Variants in KMT2D observed in about 807,000 individuals in gnomAD.
KMT2D encodes lysine methyltransferase 2D, also known as histone-lysine N-methyltransferase 2D.
KMT2D carries 55 observed loss-of-function variants against 512.7 expected under a neutral mutation model. The ratio of observed to expected loss-of-function variants is 0.11; its 90% CI spans 0.09 to 0.13. The LOEUF (loss-of-function observed/expected upper bound fraction) is 0.13, where lower values mean the gene tolerates loss of function less well. KMT2D is among the 10% of genes least tolerant of loss of function. KMT2D has a pLI of 1.00. For missense variants in KMT2D, 6,061 were observed against 7,127.9 expected (o/e 0.85, Z 5.39); for synonymous variants, 2,995 against 2,904.0 (o/e 1.03, Z -1.01).
intron 9 of KMT2D, 66 bp downstream of exon 9, chr12:49,052,849 A>T: frequency 6.2e-7 from 1 of 1,602,538 alleles, no homozygotes; most frequent in Non-Finnish European, 8.5e-7. Context: ...TCAATTTAAC[A>T]AGGCCCCTGC....
rs199719315 is a variant in KMT2D at position 49,049,661 on chromosome 12, C to T, written c.3906+21G>A. On this transcript the variant is annotated intron_variant, in intron 12 of 54. Coordinates refer to ENST00000301067, the MANE Select transcript of KMT2D (RefSeq NM_003482.4). Reference sequence around the variant, plus strand: ...CAGTGGGCTAACTCTAATCACATCCCGCAGCTAGATAGCCCCTCACCTGTT... The same window carrying T: ...CAGTGGGCTAACTCTAATCACATCCTGCAGCTAGATAGCCCCTCACCTGTT... The T allele has an allele frequency of 7.4e-5, 115 of 1,549,084 alleles. No individual in the cohort carries two copies. The East Asian group carries it at 1.8e-3, about 25-fold the overall frequency.
Position 49,041,181 on chromosome 12 carries a change from G to A in KMT2D, c.6589C>T (p.Pro2197Ser), listed in dbSNP as rs1026412241. 1 of 1,518,118 alleles carries A rather than the reference G, an allele frequency of 6.6e-7. No homozygotes were observed. Among genetic ancestry groups the A allele is most frequent in the Non-Finnish European group, 8.8e-7 (1 of 1,135,916 alleles). The allele number at this position is 1,518,118 out of a possible 1,614,324, so 94.0% of individuals were successfully genotyped here. A position where few individuals can be genotyped will look rare whatever the true frequency, so the allele number is the denominator to read the frequency against. ...GCCCCCGTAGGACTAGGATAGGGGGGATAGGTGGGCGGTGCCGTGGGGAAG... is the reference window on the plus strand; with the variant it reads ...GCCCCCGTAGGACTAGGATAGGGGGAATAGGTGGGCGGTGCCGTGGGGAAG... ...PRFPTAPPTY[P>S]PYPSPTGAPA... Residue 2197 changes from proline to serine, a missense_variant, in exon 32 of 55, where the codon CCC (proline) becomes TCC (serine). Physicochemically the swap from Pro to Ser is moderately conservative, Grantham distance 74 (BLOSUM62 -1). Around this residue, in one of 16 missense-constraint regions of KMT2D, gnomAD observed 710 missense variants for 647.3 expected, o/e 1.10. Coordinates refer to ENST00000301067, the MANE Select transcript of KMT2D (RefSeq NM_003482.4). This position sits in a 1 kb window ranked among gnomAD's most constrained non-coding sequence, Gnocchi z 5.4.
chr12:49,060,281 G>A lies in KMT2D; in HGVS notation c.-706C>T, dbSNP rs1263488091. Among the ~76,000 whole-genome samples the A allele has an allele frequency of 2.0e-5, 3 of 152,102 alleles. No individual in the cohort carries two copies. Among genetic ancestry groups the A allele is most frequent in the Admixed American group, 6.5e-5 (1 of 15,290 alleles). On this transcript the variant is annotated 5_prime_UTR_variant, in exon 1 of 55. Coordinates refer to ENST00000301067, the MANE Select transcript of KMT2D (RefSeq NM_003482.4). The stretch of plus-strand genomic sequence containing the variant: ...CCTTCTGCTCCCCCCGGGGAAGGGA[G>A]GAGGCTAGGTAGGCGAGGAAAAGGA...
In KMT2D at chr12:49,022,036, C is replaced by T. The variant is rs369084808; in HGVS notation, c.16521+7G>A. 120 of 1,610,966 alleles carry T rather than the reference C, an allele frequency of 7.4e-5. No homozygotes were observed. Among genetic ancestry groups the T allele is most frequent in the Non-Finnish European group, 1.0e-4 (118 of 1,177,302 alleles). On this transcript the variant is annotated splice_region_variant and intron_variant, in intron 54 of 54. Coordinates refer to ENST00000301067, the MANE Select transcript of KMT2D (RefSeq NM_003482.4). This position sits in a 1 kb window ranked among gnomAD's most constrained non-coding sequence, Gnocchi z 8.6. ...CTTTGTCACTCAGTCAGGATACTTC[C>T]TCTCACCTCCTCTCCTTTGGGGATT...
At chr12:49,056,249 G>A (rs181777489) in intron 1 of KMT2D, among the ~76,000 whole-genome samples, 2 of 152,280 alleles carry the variant, frequency 1.3e-5, no homozygotes, top group African/African-American at 2.4e-5. Context: ...ACAGCACAGC[G>A]GAGTAGCTTC....
At position 49,028,051 on chromosome 12, in the gene KMT2D, G is replaced by A. The variant is rs117904191; in HGVS notation, c.14473C>T (p.Arg4825Trp). ...CCCTTCTTTGGCTCAGTGCCTGCCC[G>A]GGCGGGGCTCTCTGGGAACAGCACC... ...YEVLFPESPA[R>W]AGTEPKKGEA... The change falls in exon 47 of 55, where the codon CGG becomes TGG. Residue 4825 changes from arginine (R) to tryptophan (W), a missense_variant. This residue lies in a region of KMT2D where 1,600 missense variants were observed against 1,754.9 expected (regional missense o/e 0.91). Transcript: ENST00000301067. 1.1e-4 allele frequency: 181 copies of A among 1,613,946 alleles called. No homozygotes were observed. Among genetic ancestry groups the A allele is most frequent in the Middle Eastern group, 1.7e-4 (1 of 6,060 alleles).
chr12:49,042,709 GTCAGTCT>G lies in KMT2D; in HGVS notation c.5782+25_5782+31del. On this transcript the variant is annotated intron_variant, in intron 27 of 54. Transcript: ENST00000301067. This position sits in a 1 kb window ranked among gnomAD's most constrained non-coding sequence, Gnocchi z 4.4. ...CCATCCTGGAGGCAAGCTTGGTTAT[GTCAGTCT>G]TCAGACCACTCCCACCTGTATTACC... 1 of 1,609,338 alleles carries G rather than the reference GTCAGTCT, an allele frequency of 6.2e-7. No homozygotes were observed.
At chr12:49,045,071 G>A in intron 19 of KMT2D, 106 bp from the exon 20 acceptor site, 2 of 1,108,576 alleles carry the variant, frequency 1.8e-6, no homozygotes, top group Admixed American at 2.0e-5. Context: ...AGTGACAAAA[G>A]TCCAGCTTAG....
rs746493059 is a variant in KMT2D at position 49,032,154 on chromosome 12, C to A, written c.12551G>T (p.Gly4184Val). The change falls in exon 40 of 55, where the codon GGT becomes GTT. Residue 4184 changes from glycine to valine, a missense_variant. By Grantham distance (109) the Gly-to-Val change is moderately radical. Around this residue, in one of 16 missense-constraint regions of KMT2D, gnomAD observed 1,600 missense variants for 1,754.9 expected, o/e 0.91. Coordinates refer to ENST00000301067, the MANE Select transcript of KMT2D (RefSeq NM_003482.4). ...AGGCATGATTCCAACCCCAGGCAGA[C>A]CCTGCCCAGACTGGAGGACAGGTCC... ...KPGPVLQSGQ[G>V]LPGVGIMPTV... 3.7e-6 allele frequency: 6 copies of A among 1,613,432 alleles called. No individual in the cohort carries two copies. The highest frequency in any genetic ancestry group is 2.7e-5 in the African/African-American group (2 of 75,048).
intron 15 of KMT2D, 75 bp downstream of exon 15, chr12:49,047,889 TG>T: frequency 9.9e-7 from 1 of 1,005,242 alleles, no homozygotes; most frequent in Non-Finnish European, 1.6e-6. Context: ...AGAGGTGGTA[TG>T]GCCAGGACAA....
At chr12:49,027,401 C>G (rs952369409) in intron 48 of KMT2D, 79 bp from the exon 49 acceptor site, 3 of 1,188,018 alleles carry the variant, frequency 2.5e-6, no homozygotes, top group Non-Finnish European at 3.5e-6. Context: ...CATATGCCAC[C>G]CTCCCAAAAG....
At chr12:49,049,625 T>C (rs2120636845) in intron 12 of KMT2D, 57 bp downstream of exon 12, 3 of 1,507,244 alleles carry the variant, frequency 2.0e-6, no homozygotes, top group Non-Finnish European at 2.7e-6. Context: ...GACACAGGAC[T>C]GTACCTCTGA....
Position 49,039,079 on chromosome 12 carries a change from T to G in KMT2D, c.8367-90A>C. ...GGGCAGTGAGGAAGGATAGAATTAA[T>G]GCAGTGAGGGAGAAAAGGAATGAGG... On this transcript the variant is annotated intron_variant, in intron 34 of 54. Transcript: ENST00000301067. This position sits in a 1 kb window ranked among gnomAD's most constrained non-coding sequence, Gnocchi z 5.0. 6.6e-7 allele frequency: 1 copy of G among 1,514,534 alleles called. No individual in the cohort carries two copies. Among genetic ancestry groups the G allele is most frequent in the Non-Finnish European group, 9.1e-7 (1 of 1,098,982 alleles). 93.8% of individuals were successfully genotyped at this position (1,514,534 alleles called of 1,614,324 possible).
rs748716773 is a variant in KMT2D at position 49,031,502 on chromosome 12, C to A, written c.13203G>T (p.Gln4401His). 6.2e-7 allele frequency: 1 copy of A among 1,612,810 alleles called. No homozygotes were observed. Among genetic ancestry groups the A allele is most frequent in the East Asian group, 2.2e-5 (1 of 44,842 alleles). Residue 4401 changes from glutamine (Q) to histidine (H), a missense_variant, in exon 40 of 55, where the codon CAG becomes CAT. Transcript: ENST00000301067. ...QSSLVPGHLD[Q>H]VNGQVVPEAS... ...CCTCAGGCACCACCTGTCCATTCAC[C>A]TGGTCCAGATGCCCAGGTACCAGGC...
At position 49,043,889 on chromosome 12, in the gene KMT2D, G is replaced by A. The variant is rs2120574736; in HGVS notation, c.5298C>T (p.Asp1766=). The A allele has an allele frequency of 1.2e-6, 2 of 1,614,066 alleles. No individual in the cohort carries two copies. The highest frequency in any genetic ancestry group is 1.7e-6 in the Non-Finnish European group (2 of 1,179,902). The change falls in exon 23 of 55, where the codon GAC becomes GAT. Residue 1766 remains aspartate, a synonymous_variant. Transcript: ENST00000301067. ...CCACCTGCAAGTAAGCAGGGAACAT[G>A]TCCTCCAGTTTGCTCTTCTTGCGCC... The part of the protein sequence containing the change: ...RRGRKKSKLE[D]MFPAYLQEAF...
intron 19 of KMT2D, among the ~76,000 whole-genome samples, chr12:49,045,477 A>G (rs1943739775): frequency 6.6e-6 from 1 of 152,026 alleles, no homozygotes; most frequent in Admixed American, 6.6e-5. Flanking sequence ...CCCCATCTCT[A>G]CTAAAAAATA....
intron 13 of KMT2D, 41 bp downstream of exon 13, chr12:49,049,064 G>A (rs2120629213): frequency 1.5e-6 from 2 of 1,292,236 alleles, no homozygotes; most frequent in Non-Finnish European, 1.1e-6. Context: ...GGGTGCTAAA[G>A]CATGGTTGGG....
Position 49,026,562 on chromosome 12 carries a change from A to G in KMT2D, c.15404T>C (p.Met5135Thr), listed in dbSNP as rs752893137. Residue 5135 changes from methionine (M) to threonine (T), a missense_variant, in exon 49 of 55, where the codon ATG becomes ACG. Physicochemically the swap from Met to Thr is moderately conservative, Grantham distance 81 (BLOSUM62 -1). Coordinates refer to ENST00000301067, the MANE Select transcript of KMT2D (RefSeq NM_003482.4). The surrounding 1 kb of genome is among the most constrained non-coding windows in gnomAD (Gnocchi z 9.6). Reference protein sequence around the residue: ...FFKDKTMLCPMHKIKGPCEQE... With the variant: ...FFKDKTMLCPTHKIKGPCEQE... ...CTCACAGGGCCCCTTGATCTTATGCATTGGACACAGCATGGTCTTGTCCTT... is the reference window on the plus strand; with the variant it reads ...CTCACAGGGCCCCTTGATCTTATGCGTTGGACACAGCATGGTCTTGTCCTT... 6.2e-7 allele frequency: 1 copy of G among 1,614,008 alleles called. No homozygotes were observed. The highest frequency in any genetic ancestry group is 1.7e-5 in the Admixed American group (1 of 60,024).
chr12:49,019,405 G>T lies in KMT2D; in HGVS notation c.*2375C>A. The T allele has an allele frequency of 4.6e-6, 1 of 217,674 alleles. No homozygotes were observed. The allele number at this position is 217,674 out of a possible 1,614,324, so 13.5% of individuals were successfully genotyped here. On this transcript the variant is annotated 3_prime_UTR_variant, in exon 55 of 55. Transcript: ENST00000301067. ...GGGGGATTCTGATGCAATTATACAG[G>T]CAGGGTACTTAAAAAAAAAACCAAC...
Sources: allele counts gnomAD v4.1 joint callset (sites outside exome capture counted in the v4.1 genomes callset), GRCh38; gene constraint gnomAD v4.1.1; regional missense constraint gnomAD v4.1.1; non-coding constraint Gnocchi (gnomAD v3.1); transcripts MANE v1.5; gene names NCBI Gene and HGNC (gene_info 2026-07-23, HGNC 2026-07-21).